Variants in FOXP2 observed in about 807,000 individuals in gnomAD.
FOXP2 encodes the protein forkhead box protein P2.
A neutral mutation model predicts 115.8 loss-of-function variants in FOXP2; 12 were observed. The ratio of observed to expected loss-of-function variants is 0.10; its 90% confidence interval spans 0.07 to 0.17. The LOEUF (loss-of-function observed/expected upper bound fraction) is 0.17. Ranked by LOEUF, FOXP2 falls within the 10% of genes least tolerant of loss-of-function variation. The probability of loss-of-function intolerance (pLI) is 1.00; values close to 1 mark genes in which losing one functional copy is unlikely to be tolerated. For missense variants in FOXP2, 629 were observed against 843.5 expected, an observed-to-expected ratio of 0.75 and a Z score of 3.15; for synonymous variants, 328 against 297.7, an observed-to-expected ratio of 1.10 and a Z score of -1.05.
In FOXP2 at chr7:114,690,503, A is replaced by G. The variant is rs1256341369; in HGVS notation, c.*577A>G. 2.2e-6 allele frequency: 1 copy of G among 454,018 alleles called. No individual in the cohort carries two copies. 28.1% of individuals were successfully genotyped at this position (454,018 alleles called of 1,614,324 possible). ...TTAGTTTTTTATGTTGGTGCCACCA[A>G]CTGTAAATGACATAAGTTAGTTATT... is the stretch of plus-strand genomic sequence containing the variant. On this transcript the variant is annotated 3_prime_UTR_variant, in exon 17 of 17. Coordinates refer to ENST00000350908, the MANE Select transcript of FOXP2 (RefSeq NM_014491.4).
intron 3 of FOXP2, among the ~76,000 whole-genome samples, chr7:114,622,820 T>A (rs560542053): frequency 5.9e-5 from 9 of 152,004 alleles, no homozygotes; most frequent in Non-Finnish European, 1.0e-4. Flanking sequence ...AAAGGAAATA[T>A]TTATGAATGT....
At chr7:114,612,723 G>A (rs1487162563) in intron 3 of FOXP2, among the ~76,000 whole-genome samples, 1 of 152,094 alleles carries the variant, frequency 6.6e-6, no homozygotes, top group Non-Finnish European at 1.5e-5. Flanking sequence ...GGTTTTGTTA[G>A]TTGTATAGGA....
intron 1 of FOXP2, among the ~76,000 whole-genome samples, chr7:114,194,159 A>G (rs964883851): frequency 6.6e-6 from 1 of 152,138 alleles, no homozygotes; most frequent in African/African-American, 2.4e-5. Flanking sequence ...AATGTGCTTT[A>G]AAATTAATTT....
At chr7:114,271,423 G>T (rs1207687311) in intron 1 of FOXP2, among the ~76,000 whole-genome samples, 1 of 145,044 alleles carries the variant, frequency 6.9e-6, no homozygotes, top group Non-Finnish European at 1.5e-5. Flanking sequence ...TTTCATAGAT[G>T]TTCTTTATCA....
At chr7:114,364,251 C>T (rs1451282701) in intron 2 of FOXP2, among the ~76,000 whole-genome samples, 3 of 152,106 alleles carry the variant, frequency 2.0e-5, no homozygotes, top group Non-Finnish European at 4.4e-5. Context: ...GCTCACTTAG[C>T]TACCCATATT....
At chr7:114,386,670 A>G (rs527610185) in intron 2 of FOXP2, among the ~76,000 whole-genome samples, 1 of 152,312 alleles carries the variant, frequency 6.6e-6, no homozygotes. Flanking sequence ...ATTGGAAGTG[A>G]AGGTTAATCC....
At chr7:114,185,672 C>T (rs1562996391) in intron 1 of FOXP2, among the ~76,000 whole-genome samples, 1 of 152,110 alleles carries the variant, frequency 6.6e-6, no homozygotes, top group Non-Finnish European at 1.5e-5. Context: ...TTCAGGGAAA[C>T]AGCTGTCTAA....
At chr7:114,673,422 TAA>T (rs1807598885) in intron 16 of FOXP2, among the ~76,000 whole-genome samples, 1 of 152,224 alleles carries the variant, frequency 6.6e-6, no homozygotes, top group Non-Finnish European at 1.5e-5. Flanking sequence ...ATCACTTTTA[TAA>T]AGTCAAATAG....
At chr7:114,547,585 G>T (rs976222109) in intron 3 of FOXP2, among the ~76,000 whole-genome samples, 1 of 151,994 alleles carries the variant, frequency 6.6e-6, no homozygotes, top group Non-Finnish European at 1.5e-5. Context: ...GTGAAACCCC[G>T]TCTCTACTAA....
intron 2 of FOXP2, among the ~76,000 whole-genome samples, chr7:114,481,499 G>C (rs551057190): frequency 6.6e-6 from 1 of 151,232 alleles, no homozygotes; most frequent in East Asian, 1.9e-4. Flanking sequence ...GGTTAAAATA[G>C]CTTCTGCTAG....
At chr7:114,268,398 A>G (rs370399700) in intron 1 of FOXP2, among the ~76,000 whole-genome samples, 1 of 152,206 alleles carries the variant, frequency 6.6e-6, no homozygotes, top group South Asian at 2.1e-4. Flanking sequence ...GCATATTAGA[A>G]TTTAGTGAAA....
chr7:114,151,810 G>A (rs1014743897), intron 1 of FOXP2, among the ~76,000 whole-genome samples: 1 of 152,056 alleles, frequency 6.6e-6, no homozygotes, highest in Non-Finnish European at 1.5e-5. Flanking sequence ...GGAGCTTGGG[G>A]CATATGGTGC....
intron 7 of FOXP2, among the ~76,000 whole-genome samples, 189 bp downstream of exon 7, chr7:114,642,812 ATTTTT>A (rs869136743): frequency 1.8e-4 from 13 of 72,434 alleles, no homozygotes; most frequent in African/African-American, 9.3e-4. Flanking sequence ...ATATATATAT[ATTTTT>A]TTTTTTTTTT....
chr7:114,212,122 AATAT>A (rs200853525), intron 1 of FOXP2, among the ~76,000 whole-genome samples: 7 of 131,008 alleles, frequency 5.3e-5, no homozygotes, highest in Non-Finnish European at 8.0e-5. Flanking sequence ...AATAAAATAA[AATAT>A]ATATATATAT....
chr7:114,552,955 G>A (rs1006776478), intron 3 of FOXP2, among the ~76,000 whole-genome samples: 1 of 151,964 alleles, frequency 6.6e-6, no homozygotes, highest in African/African-American at 2.4e-5. Flanking sequence ...TTCTTGGTAA[G>A]AGATTGCAAT....
chr7:114,693,439 C>T lies in FOXP2; in HGVS notation c.*3513C>T. On this transcript the variant is annotated 3_prime_UTR_variant, in exon 17 of 17. Transcript: ENST00000350908. ...GTAAAGTTTTCAAGTTGGACATTTACATTTTTGAGAATTTTGAGACTTCAT... is the reference window on the plus strand; with the variant it reads ...GTAAAGTTTTCAAGTTGGACATTTATATTTTTGAGAATTTTGAGACTTCAT... 1 of 453,388 alleles carries T rather than the reference C, an allele frequency of 2.2e-6. No individual in the cohort carries two copies. Among genetic ancestry groups the T allele is most frequent in the Non-Finnish European group, 4.4e-6 (1 of 226,452 alleles). The allele number at this position is 453,388 out of a possible 1,614,324, so 28.1% of individuals were successfully genotyped here.
At chr7:114,170,234 T>G (rs973313851) in intron 1 of FOXP2, among the ~76,000 whole-genome samples, 1 of 152,204 alleles carries the variant, frequency 6.6e-6, no homozygotes, top group Non-Finnish European at 1.5e-5. Flanking sequence ...ACTGGATCCA[T>G]GTAAAACAGC....
chr7:114,372,036 G>A (rs902199592), intron 2 of FOXP2, among the ~76,000 whole-genome samples: 2 of 151,894 alleles, frequency 1.3e-5, no homozygotes, highest in Non-Finnish European at 2.9e-5. Context: ...ATATTCTACC[G>A]AGTGCTTTAT....
intron 3 of FOXP2, among the ~76,000 whole-genome samples, chr7:114,559,226 G>A (rs1279292310): frequency 1.3e-5 from 2 of 152,064 alleles, no homozygotes; most frequent in African/African-American, 4.8e-5. Context: ...TTGTTTTTCA[G>A]TGATTTTAGA....
Sources: gnomAD v4.1 joint callset for allele counts (sites outside exome capture counted in the v4.1 genomes callset) on GRCh38, gnomAD v4.1.1 for gene constraint, MANE v1.5 for transcripts, NCBI Gene and HGNC (gene_info 2026-07-23, HGNC 2026-07-21) for gene names.